AGAP1: variants seen among roughly 807,000 people sequenced by gnomAD.
AGAP1 encodes ArfGAP with GTPase domain, ankyrin repeat and PH domain 1.
A neutral mutation model predicts 105.3 loss-of-function variants in AGAP1; 29 were observed. The observed-to-expected ratio is 0.28, with a 90% CI of 0.21 to 0.38. The LOEUF (loss-of-function observed/expected upper bound fraction) is 0.38. AGAP1 is among the 10% of genes least tolerant of loss of function. The pLI, the probability that AGAP1 is intolerant of heterozygous loss-of-function variation, is 1.00. For synonymous variants in AGAP1, 509 were observed against 485.9 expected (o/e 1.05, Z -0.63); for missense variants, 998 against 1,165.1 (o/e 0.86, Z 2.09).
chr2:235,857,133 G>T (rs1457888349), intron 9 of AGAP1, among the ~76,000 whole-genome samples: 3 of 152,142 alleles, frequency 2.0e-5, no homozygotes, highest in Non-Finnish European at 4.4e-5. Context: ...TAGGAACCGG[G>T]CCACACAGCA....
At position 235,777,883 on chromosome 2, in the gene AGAP1, G is replaced by A. The variant is rs1956001201; in HGVS notation, c.674-19876G>A. Among the ~76,000 whole-genome samples the A allele has an allele frequency of 1.3e-5, 2 of 152,190 alleles. No individual in the cohort carries two copies. The highest frequency in any genetic ancestry group is 4.8e-5 in the African/African-American group (2 of 41,428). The stretch of plus-strand genomic sequence containing the variant: ...AGTGGGTTTATGGGGTTTATCTGTT[G>A]TATGTTACATTTTCTGTACCTTTGA... On this transcript the variant is annotated intron_variant, in intron 6 of 17. Coordinates refer to ENST00000304032, the MANE Select transcript of AGAP1 (RefSeq NM_001037131.3). The surrounding 1 kb of genome is among the most constrained non-coding windows in gnomAD (Gnocchi z 5.1).
In AGAP1 at chr2:235,625,842, A is replaced by G. The variant is rs927973295; in HGVS notation, c.164-83337A>G. ...ACTATTGGGAGGTGTAGATGTTGCTACTGCATCTGGAAAGCATTGTGACAA... is the reference window on the plus strand; with the variant it reads ...ACTATTGGGAGGTGTAGATGTTGCTGCTGCATCTGGAAAGCATTGTGACAA... On this transcript the variant is annotated intron_variant, in intron 1 of 17. Transcript: ENST00000304032. This position sits in a 1 kb window ranked among gnomAD's most constrained non-coding sequence, Gnocchi z 4.0. Among the ~76,000 whole-genome samples, 2 of 151,874 alleles carry G rather than the reference A, an allele frequency of 1.3e-5. No individual in the cohort carries two copies. The highest frequency in any genetic ancestry group is 1.9e-4 in the East Asian group (1 of 5,198).
Position 235,691,066 on chromosome 2 carries a change from G to T in AGAP1, c.164-18113G>T, listed in dbSNP as rs1949712229. ...TGCCTAGAGTGCCAAGGTGGGGGTT[G>T]TAGACAAGATTCTACCCCCTCCTCC... On this transcript the variant is annotated intron_variant, in intron 1 of 17. Transcript: ENST00000304032. This position sits in a 1 kb window ranked among gnomAD's most constrained non-coding sequence, Gnocchi z 4.4. Among the ~76,000 whole-genome samples, 1 of 152,124 alleles carries T rather than the reference G, an allele frequency of 6.6e-6. No individual in the cohort carries two copies. Among genetic ancestry groups the T allele is most frequent in the Admixed American group, 6.5e-5 (1 of 15,270 alleles).
chr2:235,923,072 G>A (rs192855694), intron 11 of AGAP1, among the ~76,000 whole-genome samples: 81 of 152,314 alleles, frequency 5.3e-4, no homozygotes, highest in African/African-American at 1.7e-3. Flanking sequence ...TAATCGGGGC[G>A]AGTACCAGCT....
In AGAP1 at chr2:235,877,256, C is replaced by CT. The variant is rs972757051; in HGVS notation, c.1051-6086dup. On this transcript the variant is annotated intron_variant, in intron 9 of 17. Coordinates refer to ENST00000304032, the MANE Select transcript of AGAP1 (RefSeq NM_001037131.3). The surrounding 1 kb of genome is among the most constrained non-coding windows in gnomAD (Gnocchi z 4.3). ...AGAAAACTAAGATTCAGCTCCTTGT[C>CT]TTTATAGCTTTTAAATAGATATAAA... is the stretch of plus-strand genomic sequence containing the variant. Among the ~76,000 whole-genome samples the CT allele has an allele frequency of 2.6e-5, 4 of 152,106 alleles. No homozygotes were observed. Among genetic ancestry groups the CT allele is most frequent in the African/African-American group, 9.7e-5 (4 of 41,430 alleles).
Position 235,908,128 on chromosome 2 carries a change from C to T in AGAP1, c.1156-610C>T, listed in dbSNP as rs532848397. ...TTGACTCCACAGTGAGTTAAGTGAG[C>T]TGCCAGAGAGCAGTCACTGTCCACC... On this transcript the variant is annotated intron_variant, in intron 10 of 17. Transcript: ENST00000304032. This position sits in a 1 kb window ranked among gnomAD's most constrained non-coding sequence, Gnocchi z 4.4. 6.6e-6 allele frequency among the ~76,000 whole-genome samples: 1 copy of T among 152,320 alleles called. No homozygotes were observed. Among genetic ancestry groups the T allele is most frequent in the East Asian group, 1.9e-4 (1 of 5,172 alleles).
Position 236,123,801 on chromosome 2 carries a change from T to G in AGAP1, c.2371-118T>G. The G allele has an allele frequency of 1.6e-6, 2 of 1,271,536 alleles. No individual in the cohort carries two copies. 78.8% of individuals were successfully genotyped at this position (1,271,536 alleles called of 1,614,324 possible). On this transcript the variant is annotated intron_variant, in intron 17 of 17. Coordinates refer to ENST00000304032, the MANE Select transcript of AGAP1 (RefSeq NM_001037131.3). The surrounding 1 kb of genome is among the most constrained non-coding windows in gnomAD (Gnocchi z 4.6). ...ATGGTCCTGGCACCCCAGCCAGTTG[T>G]GTAGCTGGCCCCGCTGTCCAAGCAC...
chr2:235,592,119 G>A (rs1015280417), intron 1 of AGAP1, among the ~76,000 whole-genome samples: 2 of 152,234 alleles, frequency 1.3e-5, no homozygotes, highest in African/African-American at 4.8e-5. Context: ...AGGGGCCCAG[G>A]CTTGCCTGGA....
At chr2:235,764,716 C>CCGTGGGGTTGGGGGTATCTGGGAGCGT (rs1954777875) in intron 6 of AGAP1, among the ~76,000 whole-genome samples, 1 of 70,802 alleles carries the variant, frequency 1.4e-5, no homozygotes, top group African/African-American at 6.1e-5. Flanking sequence ...TCTGGGAGCG[C>CCGTGGGGTTGGGGGTATCTGGGAGCGT]CCGTGGGGTG....
intron 1 of AGAP1, among the ~76,000 whole-genome samples, chr2:235,503,784 C>T (rs954651249): frequency 3.9e-5 from 6 of 152,076 alleles, no homozygotes; most frequent in East Asian, 1.9e-4. Flanking sequence ...TCAGTAGAGA[C>T]GGGGTTTCAC....
rs1201245322 is a variant in AGAP1, at chr2:235,569,136, G to A, written c.163+74287G>A. On this transcript the variant is annotated intron_variant, in intron 1 of 17. Transcript: ENST00000304032. The surrounding 1 kb of genome is among the most constrained non-coding windows in gnomAD (Gnocchi z 5.9). The stretch of plus-strand genomic sequence containing the variant: ...CAGAGACCATCCTGGCCAACATGGC[G>A]GAAACCCGTCTCTATTAAAAGTATA... 6.6e-6 allele frequency among the ~76,000 whole-genome samples: 1 copy of A among 152,164 alleles called. No homozygotes were observed. Among genetic ancestry groups the A allele is most frequent in the Non-Finnish European group, 1.5e-5 (1 of 68,034 alleles).
chr2:235,935,987 C>T (rs999804229), intron 12 of AGAP1, among the ~76,000 whole-genome samples: 20 of 152,204 alleles, frequency 1.3e-4, no homozygotes, highest in South Asian at 4.1e-4. Context: ...CGGCCCTCCC[C>T]GCTGGCTCCT....
At chr2:235,748,238 T>G (rs1953126366) in intron 5 of AGAP1, among the ~76,000 whole-genome samples, 1 of 152,104 alleles carries the variant, frequency 6.6e-6, no homozygotes, top group South Asian at 2.1e-4. Context: ...AAGCCGAAAT[T>G]TGACAGAAAC....
intron 6 of AGAP1, among the ~76,000 whole-genome samples, chr2:235,763,751 C>T (rs192869035): frequency 9.7e-4 from 147 of 152,292 alleles, no homozygotes; most frequent in Admixed American, 2.9e-3. Context: ...AGTATTATTT[C>T]ATGTAAGTCA....
intron 1 of AGAP1, among the ~76,000 whole-genome samples, chr2:235,543,495 TGGGGCTCG>T (rs1943521278): frequency 6.6e-6 from 1 of 152,154 alleles, no homozygotes; most frequent in Non-Finnish European, 1.5e-5. Flanking sequence ...GAGAAGAAGC[TGGGGCTCG>T]GCCTGGTCTA....
chr2:235,671,002 CCCGGCCGAAG>C (rs1948384899), intron 1 of AGAP1: 3 of 1,323,100 alleles, frequency 2.3e-6, no homozygotes, highest in Non-Finnish European at 2.9e-6. Context: ...TGCGGCGGGC[CCCGGCCGAAG>C]CGCACTCGTC....
Position 235,732,785 on chromosome 2 carries a change from G to T in AGAP1, c.311-8178G>T, listed in dbSNP as rs886168452. On this transcript the variant is annotated intron_variant, in intron 3 of 17. Transcript: ENST00000304032. The surrounding 1 kb of genome is among the most constrained non-coding windows in gnomAD (Gnocchi z 4.8). Reference sequence around the variant, plus strand: ...TCTAGGCTGTTGGGAGCCCGTGACCGCCCTGCTTCCTGTGGTGGGAGAAGG... The same window carrying T: ...TCTAGGCTGTTGGGAGCCCGTGACCTCCCTGCTTCCTGTGGTGGGAGAAGG... Among the ~76,000 whole-genome samples the T allele has an allele frequency of 5.3e-5, 8 of 152,128 alleles. No individual in the cohort carries two copies. Among genetic ancestry groups the T allele is most frequent in the Non-Finnish European group, 1.0e-4 (7 of 68,040 alleles).
chr2:236,053,916 G>A lies in AGAP1; in HGVS notation c.2114+4635G>A, dbSNP rs2057979846. ...AGTACGTATTCTTTTCCCTTTTTTA[G>A]CATCCTTTTTCTTTTTCTTCCCCCC... On this transcript the variant is annotated intron_variant, in intron 16 of 17. Transcript: ENST00000304032. This position sits in a 1 kb window ranked among gnomAD's most constrained non-coding sequence, Gnocchi z 4.6. 6.6e-6 allele frequency among the ~76,000 whole-genome samples: 1 copy of A among 152,256 alleles called. No individual in the cohort carries two copies. The highest frequency in any genetic ancestry group is 2.1e-4 in the South Asian group (1 of 4,822).
At position 236,074,986 on chromosome 2, in the gene AGAP1, G is replaced by C. The variant is rs560167245; in HGVS notation, c.2114+25705G>C. 2.0e-5 allele frequency among the ~76,000 whole-genome samples: 3 copies of C among 152,302 alleles called. No individual in the cohort carries two copies. The East Asian group carries it at 5.8e-4, about 29-fold the overall frequency. ...AAGGGTGGTTTGAGCCCGAGAGGTG[G>C]AGGTTGCAGTGAGCCAAGATCACTC... On this transcript the variant is annotated intron_variant, in intron 16 of 17. Transcript: ENST00000304032.
Sources: allele counts gnomAD v4.1 joint callset (sites outside exome capture counted in the v4.1 genomes callset), GRCh38; gene constraint gnomAD v4.1.1; non-coding constraint Gnocchi (gnomAD v3.1); transcripts MANE v1.5; gene names NCBI Gene and HGNC (gene_info 2026-07-23, HGNC 2026-07-21).